Variants in PDE2A observed in about 807,000 individuals in gnomAD.
PDE2A encodes cGMP-dependent 3',5'-cyclic phosphodiesterase.
PDE2A carries 53 observed loss-of-function variants against 133.6 expected under a neutral mutation model. The ratio of observed to expected loss-of-function variants is 0.40; its 90% CI spans 0.32 to 0.50. The LOEUF (loss-of-function observed/expected upper bound fraction) is 0.50, where lower values mean the gene tolerates loss of function less well. PDE2A is among the 20% of genes least tolerant of loss of function. The pLI is 0.73. For missense variants in PDE2A, 796 were observed against 1,232.4 expected (o/e 0.65, Z 5.30); for synonymous variants, 491 against 490.2 (o/e 1.00, Z -0.02).
At chr11:72,586,256 C>A in intron 13 of PDE2A, 75 bp from the exon 14 acceptor site, 2 of 890,308 alleles carry the variant, frequency 2.2e-6, no homozygotes, top group Non-Finnish European at 3.7e-6. Context: ...ACTTCTGTTC[C>A]ATCAGAAGCC....
intron 6 of PDE2A, among the ~76,000 whole-genome samples, chr11:72,592,312 G>A (rs544789389): frequency 5.3e-4 from 81 of 152,258 alleles, no homozygotes; most frequent in African/African-American, 1.9e-3. Flanking sequence ...CCTGCACTGG[G>A]GGCTCCTCCT....
intron 2 of PDE2A, among the ~76,000 whole-genome samples, chr11:72,625,778 G>A: frequency 6.6e-6 from 1 of 152,182 alleles, no homozygotes; most frequent in Admixed American, 6.5e-5. Flanking sequence ...TAGCCCCACA[G>A]ACTCCCCCCA....
chr11:72,639,827 T>C (rs1858876583), intron 2 of PDE2A, among the ~76,000 whole-genome samples: 1 of 152,048 alleles, frequency 6.6e-6, no homozygotes, highest in Non-Finnish European at 1.5e-5. Context: ...CCAGGGCATC[T>C]CTAGGGACCT....
In PDE2A at chr11:72,580,955, G is replaced by A. The variant is rs1380599528; in HGVS notation, c.2064C>T (p.Ala688=). 2.5e-6 allele frequency: 4 copies of A among 1,612,544 alleles called. No homozygotes were observed. In the African/African-American group the frequency reaches 4.0e-5, roughly 16 times the overall value. Reference sequence around the variant, plus strand: ...CATGACACATGCAGGAAATAAACAAGGCAAAGATCTCGATGTCCCTGGTTG... The same window carrying A: ...CATGACACATGCAGGAAATAAACAAAGCAAAGATCTCGATGTCCCTGGTTG... ...TNYLEDIEIF[A]LFISCMCHDL... Residue 688 remains alanine, a synonymous_variant, in exon 24 of 31, where the codon GCC becomes GCT. Coordinates refer to ENST00000334456, the MANE Select transcript of PDE2A (RefSeq NM_002599.5).
chr11:72,618,093 C>T (rs1012100142), intron 2 of PDE2A, among the ~76,000 whole-genome samples: 2 of 152,196 alleles, frequency 1.3e-5, no homozygotes, highest in African/African-American at 4.8e-5. Context: ...CCTGGGAACA[C>T]CCCCTCCCCT....
intron 2 of PDE2A, chr11:72,630,977 C>T: frequency 1.1e-6 from 1 of 941,210 alleles, no homozygotes; most frequent in Admixed American, 2.1e-5. Context: ...GTGACTCCAG[C>T]CTCCCCGTCC....
intron 22 of PDE2A, among the ~76,000 whole-genome samples, 177 bp from the exon 23 acceptor site, chr11:72,581,656 T>C (rs982573239): frequency 2.0e-5 from 3 of 152,166 alleles, no homozygotes; most frequent in Non-Finnish European, 4.4e-5. Flanking sequence ...GGCTACACAC[T>C]CTCGGCCTTG....
chr11:72,668,644 A>G (rs1855305696), intron 1 of PDE2A, among the ~76,000 whole-genome samples: 1 of 152,250 alleles, frequency 6.6e-6, no homozygotes. Flanking sequence ...AGTACAAACT[A>G]TGCTTACTGC....
intron 1 of PDE2A, among the ~76,000 whole-genome samples, chr11:72,647,413 G>C (rs900086391): frequency 2.6e-5 from 4 of 152,222 alleles, no homozygotes; most frequent in Non-Finnish European, 5.9e-5. Flanking sequence ...AGGAAGCTGA[G>C]GTGGAGGAGG....
chr11:72,660,739 G>A (rs1399393636), intron 1 of PDE2A, among the ~76,000 whole-genome samples: 2 of 152,078 alleles, frequency 1.3e-5, no homozygotes, highest in African/African-American at 2.4e-5. Context: ...TCAGTGGCAC[G>A]GGTTAGGACG....
intron 1 of PDE2A, among the ~76,000 whole-genome samples, chr11:72,664,682 G>A (rs558417195): frequency 1.3e-5 from 2 of 151,424 alleles, no homozygotes; most frequent in South Asian, 4.2e-4. Context: ...CTCCCTGGAA[G>A]GATTATTTAA....
At position 72,577,236 on chromosome 11, in the gene PDE2A, G is replaced by GT; in HGVS notation, c.*147_*148insA. ...CTTCCATTATACAGACGAGAAAGCT[G>GT]AGGCCCAGGAAGGTAGTACTTGTCC... On this transcript the variant is annotated 3_prime_UTR_variant, in exon 31 of 31. Coordinates refer to ENST00000334456, the MANE Select transcript of PDE2A (RefSeq NM_002599.5). 1.6e-6 allele frequency: 1 copy of GT among 612,428 alleles called. No individual in the cohort carries two copies. Among genetic ancestry groups the GT allele is most frequent in the East Asian group, 2.7e-5 (1 of 36,450 alleles). 37.9% of individuals were successfully genotyped at this position (612,428 alleles called of 1,614,324 possible). A position where few individuals can be genotyped will look rare whatever the true frequency, so the allele number is the denominator to read the frequency against.
rs561482346 is a variant in PDE2A, at chr11:72,605,407, G to A, written c.235-181C>T. On this transcript the variant is annotated intron_variant, in intron 3 of 30. Transcript: ENST00000334456. Reference sequence around the variant, plus strand: ...ATGCAGCCAGGGCAGCAAAACACCCGGTGAACTAAGCACCTCGTCCTCTCC... The same window carrying A: ...ATGCAGCCAGGGCAGCAAAACACCCAGTGAACTAAGCACCTCGTCCTCTCC... Among the ~76,000 whole-genome samples, 5 of 152,286 alleles carry A rather than the reference G, an allele frequency of 3.3e-5. No individual in the cohort carries two copies. In the South Asian group the frequency reaches 1.0e-3, roughly 32 times the overall value.
At chr11:72,593,852 T>C (rs1287551625) in intron 6 of PDE2A, among the ~76,000 whole-genome samples, 5 of 152,238 alleles carry the variant, frequency 3.3e-5, no homozygotes, top group Non-Finnish European at 7.3e-5. Context: ...CAGGACTCCC[T>C]CGAGGGGTTT....
chr11:72,648,857 C>T (rs1040195617), intron 1 of PDE2A, among the ~76,000 whole-genome samples: 28 of 152,130 alleles, frequency 1.8e-4, no homozygotes, highest in African/African-American at 6.8e-4. Context: ...GTTCCTATCA[C>T]GCCTACACCC....
rs1855455353 is a variant in PDE2A, at chr11:72,674,389, C to T, written c.-182G>A. 1 of 587,390 alleles carries T rather than the reference C, an allele frequency of 1.7e-6. No individual in the cohort carries two copies. Among genetic ancestry groups the T allele is most frequent in the Admixed American group, 3.0e-5 (1 of 33,632 alleles). The allele number at this position is 587,390 out of a possible 1,614,324, so 36.4% of individuals were successfully genotyped here. A position where few individuals can be genotyped will look rare whatever the true frequency, so the allele number is the denominator to read the frequency against. On this transcript the variant is annotated 5_prime_UTR_variant, in exon 1 of 31. Transcript: ENST00000334456. ...TGCTGCCCCGCTGCTCCCGCCTCTCCCGCTGCCACTGCCTCTGCTGCTCGG... is the reference window on the plus strand; with the variant it reads ...TGCTGCCCCGCTGCTCCCGCCTCTCTCGCTGCCACTGCCTCTGCTGCTCGG...
chr11:72,598,958 G>T (rs78986933), intron 4 of PDE2A: 2 of 985,258 alleles, frequency 2.0e-6, no homozygotes, highest in Non-Finnish European at 2.4e-6. Context: ...GGAGAGGGAC[G>T]TAGGGTGGCA....
intron 21 of PDE2A, 72 bp from the exon 22 acceptor site, chr11:72,582,019 C>T (rs1855745406): frequency 8.4e-7 from 1 of 1,189,190 alleles, no homozygotes; most frequent in Non-Finnish European, 1.3e-6. Flanking sequence ...GGTCCTTCTT[C>T]AAGCTCCACA....
chr11:72,605,545 A>G (rs942359772), intron 3 of PDE2A, among the ~76,000 whole-genome samples: 8 of 152,072 alleles, frequency 5.3e-5, no homozygotes, highest in South Asian at 2.1e-4. Context: ...CAGACAAATC[A>G]CCTCCCACCT....
Sources: allele counts gnomAD v4.1 joint callset (sites outside exome capture counted in the v4.1 genomes callset), GRCh38; gene constraint gnomAD v4.1.1; transcripts MANE v1.5; gene names NCBI Gene and HGNC (gene_info 2026-07-23, HGNC 2026-07-21).